The following CD180 variants were observed in gnomAD, a reference collection of about 807,000 sequenced individuals.
The protein encoded by CD180 is CD180 antigen.
Under a neutral mutation model 10.7 loss-of-function variants are expected in CD180, and 11 were observed. The ratio of observed to expected loss-of-function variants is 1.03; its 90% CI spans 0.65 to 1.70. The LOEUF (loss-of-function observed/expected upper bound fraction) is 1.70. Ranked by LOEUF, CD180 falls within the 40% of genes most tolerant of loss-of-function variation. The pLI is 0.00. For synonymous variants in CD180, 286 were observed against 294.6 expected (o/e 0.97, Z 0.30); for missense variants, 729 against 775.2 (o/e 0.94, Z 0.71).
At chr5:67,194,590 T>C (rs1175808561) in intron 1 of CD180, among the ~76,000 whole-genome samples, 2 of 152,322 alleles carry the variant, frequency 1.3e-5, no homozygotes, top group East Asian at 3.9e-4. Context: ...TTTGGAGTGA[T>C]TGATTTGAGT....
intron 1 of CD180, among the ~76,000 whole-genome samples, chr5:67,193,995 A>C (rs2151169224): frequency 6.6e-6 from 1 of 152,236 alleles, no homozygotes; most frequent in African/African-American, 2.4e-5. Flanking sequence ...CCCACTTGTC[A>C]TGCCTCCCAA....
At chr5:67,185,758 G>T in intron 2 of CD180, 93 bp downstream of exon 2, 1 of 873,680 alleles carries the variant, frequency 1.1e-6, no homozygotes, top group Non-Finnish European at 1.7e-6. Context: ...ATTGTCCCTG[G>T]GCCCCCCAAA....
Position 67,183,106 on chromosome 5 carries a change from CA to C in CD180, c.1736del (p.Leu579ArgfsTer11), listed in dbSNP as rs775304336. ...AATGAATATTCGAGCAAGTGCAGTCCAGGGGGTTATGACTTAAATTAATGGT... is the reference window on the plus strand; with the variant it reads ...AATGAATATTCGAGCAAGTGCAGTCCGGGGGTTATGACTTAAATTAATGGT... ...QSTINLSHNP[L>X]DCTCSNIHFL... is the part of the protein sequence containing the mutation. On this transcript the variant is annotated frameshift_variant, in exon 3 of 3. Coordinates refer to ENST00000256447, the MANE Select transcript of CD180 (RefSeq NM_005582.3). LOFTEE classifies it low-confidence loss of function (END_TRUNC). 1.2e-6 allele frequency: 2 copies of C among 1,610,704 alleles called. No homozygotes were observed. The highest frequency in any genetic ancestry group is 1.7e-6 in the Non-Finnish European group (2 of 1,177,854).
chr5:67,196,244 G>T (rs182512236), intron 1 of CD180, among the ~76,000 whole-genome samples: 5 of 152,248 alleles, frequency 3.3e-5, no homozygotes, highest in Admixed American at 2.6e-4. Context: ...CTAGGTTGAG[G>T]CAGGTTTAGG....
At chr5:67,187,272 ATATTGAGATTCTT>A (rs1372270400) in intron 1 of CD180, among the ~76,000 whole-genome samples, 1 of 152,234 alleles carries the variant, frequency 6.6e-6, no homozygotes, top group Non-Finnish European at 1.5e-5. Context: ...TGATTGTCGA[ATATTGAGATTCTT>A]TGTTACTATT....
At position 67,179,655 on chromosome 5, in the gene CD180, T is replaced by C. The variant is rs139114585; in HGVS notation, c.*3202A>G. The C allele has an allele frequency of 4.6e-5, 7 of 152,376 alleles. No individual in the cohort carries two copies. The highest frequency in any genetic ancestry group is 7.2e-5 in the African/African-American group (3 of 41,586). 9.4% of individuals were successfully genotyped at this position (152,376 alleles called of 1,614,324 possible). A position where few individuals can be genotyped will look rare whatever the true frequency, so the allele number is the denominator to read the frequency against. On this transcript the variant is annotated 3_prime_UTR_variant, in exon 3 of 3. Coordinates refer to ENST00000256447, the MANE Select transcript of CD180 (RefSeq NM_005582.3). Reference sequence around the variant, plus strand: ...TAAACATCAAAATTGCAAACTACACTGATTGGAGAGTTGGACAAATAAGAA... The same window carrying C: ...TAAACATCAAAATTGCAAACTACACCGATTGGAGAGTTGGACAAATAAGAA...
intron 1 of CD180, among the ~76,000 whole-genome samples, chr5:67,193,903 T>C (rs1460144711): frequency 6.6e-6 from 1 of 152,208 alleles, no homozygotes; most frequent in Non-Finnish European, 1.5e-5. Context: ...AATTAAATGG[T>C]GATGTTATCC....
rs1373357948 is a variant in CD180 at position 67,183,461 on chromosome 5, T to C, written c.1382A>G (p.Asn461Ser). The C allele has an allele frequency of 6.2e-7, 1 of 1,614,186 alleles. No individual in the cohort carries two copies. The highest frequency in any genetic ancestry group is 8.5e-7 in the Non-Finnish European group (1 of 1,180,022). ...NLTYCFLDTS[N>S]QHLLAGLPVL... ...TGGTAGGCCTGCTAGAAGATGCTGA[T>C]TGCTGGTATCAAGGAAGCAGTAAGT... Residue 461 changes from asparagine to serine, a missense_variant, in exon 3 of 3, where the codon AAT (asparagine) becomes AGT (serine). By Grantham distance (46) the Asn-to-Ser change is conservative. Transcript: ENST00000256447.
chr5:67,180,408 AG>A lies in CD180; in HGVS notation c.*2448del, dbSNP rs1256496531. 11 of 152,286 alleles carry A rather than the reference AG, an allele frequency of 7.2e-5. No homozygotes were observed. The highest frequency in any genetic ancestry group is 2.6e-4 in the African/African-American group (11 of 41,514). The allele number at this position is 152,286 out of a possible 1,614,324, so 9.4% of individuals were successfully genotyped here. A position where few individuals can be genotyped will look rare whatever the true frequency, so the allele number is the denominator to read the frequency against. On this transcript the variant is annotated 3_prime_UTR_variant, in exon 3 of 3. Coordinates refer to ENST00000256447, the MANE Select transcript of CD180 (RefSeq NM_005582.3). ...AGAGCTTACCTGTGACAGAATATGCAGGGACTCAATGGGTTGGTGCTGTCTA... is the reference window on the plus strand; with the variant it reads ...AGAGCTTACCTGTGACAGAATATGCAGGACTCAATGGGTTGGTGCTGTCTA...
In CD180 at chr5:67,184,239, G is replaced by T. The variant is rs958652588; in HGVS notation, c.604C>A (p.Leu202Ile). The T allele has an allele frequency of 6.2e-7, 1 of 1,614,024 alleles. No individual in the cohort carries two copies. Among genetic ancestry groups the T allele is most frequent in the Admixed American group, 1.7e-5 (1 of 60,000 alleles). ...TTATTGCCATTGAAGTTCAGGCTTA[G>T]GTTGATGGCCTGCTCCAGAGACCTC... ...DMRSLEQAIN[L>I]SLNFNGNNVK... Residue 202 changes from leucine (L) to isoleucine (I), a missense_variant, in exon 3 of 3, where the codon CTA (leucine) becomes ATA (isoleucine). Physicochemically the swap from Leu to Ile is conservative, Grantham distance 5 (BLOSUM62 2). Transcript: ENST00000256447.
At chr5:67,188,267 C>T (rs1274433003) in intron 1 of CD180, among the ~76,000 whole-genome samples, 1 of 152,166 alleles carries the variant, frequency 6.6e-6, no homozygotes, top group African/African-American at 2.4e-5. Context: ...AGCAAGAAGG[C>T]CCTCACCAGA....
Position 67,183,048 on chromosome 5 carries a change from GTT to G in CD180, c.1793_1794del (p.Lys598ThrfsTer2). ...CACGTGGTCTCCTCCGAGCCTTCAAGTTTGTGCAGGTTTTCTTTGTACCATGT... is the reference window on the plus strand; with the variant it reads ...CACGTGGTCTCCTCCGAGCCTTCAAGTGTGCAGGTTTTCTTTGTACCATGT... ...FLTWYKENLHKLEGSEETTCA... is the reference protein window; with the variant it reads ...FLTWYKENLHXLEGSEETTCA... On this transcript the variant is annotated frameshift_variant, in exon 3 of 3. Transcript: ENST00000256447. LOFTEE classifies it low-confidence loss of function (END_TRUNC). 6.2e-7 allele frequency: 1 copy of G among 1,613,556 alleles called. No individual in the cohort carries two copies. The highest frequency in any genetic ancestry group is 8.5e-7 in the Non-Finnish European group (1 of 1,179,780).
chr5:67,184,997 C>G (rs546379444), intron 2 of CD180, among the ~76,000 whole-genome samples: 1 of 151,946 alleles, frequency 6.6e-6, no homozygotes, highest in Non-Finnish European at 1.5e-5. Flanking sequence ...CAAGTTACAA[C>G]TTTTCTCAAC....
intron 1 of CD180, among the ~76,000 whole-genome samples, chr5:67,193,799 T>A (rs998061708): frequency 5.9e-5 from 9 of 152,204 alleles, no homozygotes; most frequent in Non-Finnish European, 4.4e-5. Flanking sequence ...GCCAAAGGAC[T>A]AGGGGGCCTC....
intron 1 of CD180, among the ~76,000 whole-genome samples, chr5:67,189,680 G>A (rs1423970380): frequency 6.6e-6 from 1 of 152,142 alleles, no homozygotes; most frequent in Non-Finnish European, 1.5e-5. Context: ...CACGATGATA[G>A]AGGCACCAAA....
In CD180 at chr5:67,196,655, T is replaced by G; in HGVS notation, c.-14A>C. 6.2e-7 allele frequency: 1 copy of G among 1,613,870 alleles called. No homozygotes were observed. The highest frequency in any genetic ancestry group is 8.5e-7 in the Non-Finnish European group (1 of 1,179,880). On this transcript the variant is annotated 5_prime_UTR_variant, in exon 1 of 3. Coordinates refer to ENST00000256447, the MANE Select transcript of CD180 (RefSeq NM_005582.3). ...GTCAAACGCCATCACAGGCTAGGAT[T>G]GCTTGGTGGGTTTACCTAATGCTTG... is the stretch of plus-strand genomic sequence containing the variant.
Position 67,184,175 on chromosome 5 carries a change from A to G in CD180, c.668T>C (p.Ile223Thr). 6.2e-7 allele frequency: 1 copy of G among 1,614,164 alleles called. No individual in the cohort carries two copies. Among genetic ancestry groups the G allele is most frequent in the East Asian group, 2.2e-5 (1 of 44,886 alleles). The change falls in exon 3 of 3, where the codon ATC becomes ACC. Residue 223 changes from isoleucine to threonine, a missense_variant. Ile to Thr is a moderately conservative substitution (Grantham distance 89). Transcript: ENST00000256447. ...GIELGAFDSTIFQSLNFGGTP... is the reference protein window; with the variant it reads ...GIELGAFDSTTFQSLNFGGTP... ...TCCTCCAAAGTTCAAACTTTGGAAG[A>G]TCGTTGAATCAAAAGCCCCAAGCTC...
chr5:67,182,774 C>G lies in CD180; in HGVS notation c.*83G>C. On this transcript the variant is annotated 3_prime_UTR_variant, in exon 3 of 3. Coordinates refer to ENST00000256447, the MANE Select transcript of CD180 (RefSeq NM_005582.3). ...CAGGAAGCAATCTGAAAAGTCTGGTCTGGTCACCAGCAGATGACAGTTCTT... is the reference window on the plus strand; with the variant it reads ...CAGGAAGCAATCTGAAAAGTCTGGTGTGGTCACCAGCAGATGACAGTTCTT... 1.7e-6 allele frequency: 2 copies of G among 1,169,140 alleles called. No individual in the cohort carries two copies. Among genetic ancestry groups the G allele is most frequent in the South Asian group, 3.2e-5 (2 of 63,242 alleles). 72.4% of individuals were successfully genotyped at this position (1,169,140 alleles called of 1,614,324 possible).
In CD180 at chr5:67,184,103, G is replaced by GT; in HGVS notation, c.739dup (p.Thr247AsnfsTer10). The stretch of plus-strand genomic sequence containing the variant: ...AAATGTTCCCAGCCAGAGAGACTGA[G>GT]TAGTAGAGTTCTGCAGACCATTGAA... On this transcript the variant is annotated frameshift_variant, in exon 3 of 3. Transcript: ENST00000256447. LOFTEE classifies it low-confidence loss of function (END_TRUNC). 6.2e-7 allele frequency: 1 copy of GT among 1,614,188 alleles called. No homozygotes were observed. The highest frequency in any genetic ancestry group is 1.7e-5 in the Admixed American group (1 of 60,028).
Sources: gnomAD v4.1 joint callset for allele counts (sites outside exome capture counted in the v4.1 genomes callset) on GRCh38, gnomAD v4.1.1 for gene constraint, MANE v1.5 for transcripts, NCBI Gene and HGNC (gene_info 2026-07-23, HGNC 2026-07-21) for gene names.